The following GRIP1 variants were observed in gnomAD, a reference collection of about 807,000 sequenced individuals.
GRIP1 encodes glutamate receptor-interacting protein 1.
GRIP1 carries 45 observed loss-of-function variants against 129.9 expected under a neutral mutation model. That is an observed-to-expected ratio of 0.35 (90% confidence interval 0.27 to 0.44). GRIP1 has a LOEUF of 0.44. Ranked by LOEUF, GRIP1 falls within the 20% of genes least tolerant of loss-of-function variation. The probability of loss-of-function intolerance (pLI) is 1.00; values close to 1 mark genes in which losing one functional copy is unlikely to be tolerated. For missense variants in GRIP1, 1,196 were observed against 1,396.8 expected (o/e 0.86, Z 2.29); for synonymous variants, 530 against 520.8 (o/e 1.02, Z -0.24).
chr12:66,452,111 G>A (rs764859796), intron 11 of GRIP1, among the ~76,000 whole-genome samples: 2 of 152,180 alleles, frequency 1.3e-5, no homozygotes, highest in Non-Finnish European at 2.9e-5. Flanking sequence ...GGGAAGAGAC[G>A]GAGTCTCTAC....
chr12:66,781,546 T>C (rs895570089), intron 1 of GRIP1, among the ~76,000 whole-genome samples: 7 of 152,204 alleles, frequency 4.6e-5, no homozygotes, highest in Admixed American at 3.9e-4. Flanking sequence ...ATTACACTCA[T>C]AGAGTTCTGC....
At chr12:66,672,031 C>T (rs1195903415) in intron 1 of GRIP1, among the ~76,000 whole-genome samples, 1 of 152,096 alleles carries the variant, frequency 6.6e-6, no homozygotes, top group African/African-American at 2.4e-5. Flanking sequence ...TGCTAATGTG[C>T]ACAAATGGGC....
At chr12:66,873,090 A>G (rs1452076865) in intron 1 of GRIP1, among the ~76,000 whole-genome samples, 1 of 152,054 alleles carries the variant, frequency 6.6e-6, no homozygotes, top group Non-Finnish European at 1.5e-5. Context: ...TGGCTTTCTT[A>G]CAATATGGTG....
intron 1 of GRIP1, among the ~76,000 whole-genome samples, chr12:67,066,907 T>TATATATATAC (rs2043639109): frequency 1.4e-5 from 2 of 143,738 alleles, no homozygotes; most frequent in East Asian, 2.0e-4. Flanking sequence ...TATATATATA[T>TATATATATAC]ATATACACAC....
At chr12:66,824,293 G>A (rs147246525) in intron 1 of GRIP1, among the ~76,000 whole-genome samples, 2 of 152,140 alleles carry the variant, frequency 1.3e-5, no homozygotes, top group African/African-American at 2.4e-5. Flanking sequence ...AAAGGTGGAC[G>A]GTTTCAGATA....
intron 19 of GRIP1, among the ~76,000 whole-genome samples, chr12:66,389,661 G>A (rs544664932): frequency 6.6e-6 from 1 of 152,240 alleles, no homozygotes; most frequent in African/African-American, 2.4e-5. Context: ...CGCAAAATGA[G>A]TGACAGATGT....
At chr12:66,482,470 T>C (rs1269445053) in intron 7 of GRIP1, among the ~76,000 whole-genome samples, 1 of 152,218 alleles carries the variant, frequency 6.6e-6, no homozygotes, top group Non-Finnish European at 1.5e-5. Context: ...ACTTTCTGCA[T>C]CACAGAAGGG....
intron 1 of GRIP1, among the ~76,000 whole-genome samples, chr12:67,018,672 G>A (rs931184661): frequency 1.3e-5 from 2 of 152,146 alleles, no homozygotes; most frequent in African/African-American, 4.8e-5. Flanking sequence ...GTCCACAGAG[G>A]TCTCTTGGAT....
At chr12:66,528,107 G>T (rs2061319039) in intron 5 of GRIP1, among the ~76,000 whole-genome samples, 1 of 148,202 alleles carries the variant, frequency 6.7e-6, no homozygotes, top group Non-Finnish European at 1.5e-5. Context: ...TATAATGCAA[G>T]ATAGAATTAT....
intron 2 of GRIP1, among the ~76,000 whole-genome samples, chr12:66,576,476 T>A (rs12581890): frequency 1.3e-5 from 2 of 152,160 alleles, no homozygotes; most frequent in South Asian, 4.1e-4. Context: ...GACTATTTCA[T>A]CAAGTTGGAA....
At chr12:66,580,899 C>T (rs1327797790) in intron 2 of GRIP1, among the ~76,000 whole-genome samples, 35 of 152,060 alleles carry the variant, frequency 2.3e-4, no homozygotes, top group Non-Finnish European at 1.3e-4. Flanking sequence ...AGCTCTGCAT[C>T]AAGCGGACCT....
intron 1 of GRIP1, among the ~76,000 whole-genome samples, chr12:66,654,082 G>T (rs2032986161): frequency 6.6e-6 from 1 of 152,086 alleles, no homozygotes; most frequent in African/African-American, 2.4e-5. Flanking sequence ...GATTGATTGG[G>T]GTAGAGGGAA....
chr12:67,064,856 C>T (rs924614013), intron 1 of GRIP1, among the ~76,000 whole-genome samples: 2 of 151,282 alleles, frequency 1.3e-5, no homozygotes, highest in African/African-American at 2.4e-5. Flanking sequence ...CACCCACTAA[C>T]TCGTCATCTA....
At chr12:66,726,302 C>A (rs1240328706) in intron 1 of GRIP1, among the ~76,000 whole-genome samples, 1 of 152,094 alleles carries the variant, frequency 6.6e-6, no homozygotes, top group Admixed American at 6.5e-5. Context: ...ATTAAAGACA[C>A]AAGTCACTAG....
At chr12:66,754,666 A>G (rs558844375) in intron 1 of GRIP1, among the ~76,000 whole-genome samples, 8 of 152,302 alleles carry the variant, frequency 5.3e-5, no homozygotes, top group African/African-American at 1.9e-4. Context: ...AGCTGATACC[A>G]TTATTCCAGA....
At chr12:66,688,589 C>T (rs528736363) in intron 1 of GRIP1, among the ~76,000 whole-genome samples, 2 of 152,196 alleles carry the variant, frequency 1.3e-5, no homozygotes, top group Non-Finnish European at 2.9e-5. Flanking sequence ...TTTACCAAAT[C>T]TCAAAGGTTT....
At chr12:66,712,967 T>C (rs898272472) in intron 1 of GRIP1, among the ~76,000 whole-genome samples, 1 of 151,994 alleles carries the variant, frequency 6.6e-6, no homozygotes, top group Non-Finnish European at 1.5e-5. Flanking sequence ...TGATTAAGTC[T>C]AGAACAAATG....
chr12:66,545,401 C>T (rs576915503), intron 2 of GRIP1, among the ~76,000 whole-genome samples: 1 of 152,122 alleles, frequency 6.6e-6, no homozygotes, highest in South Asian at 2.1e-4. Context: ...TATTTAAAAA[C>T]ACAGATGGTT....
intron 1 of GRIP1, among the ~76,000 whole-genome samples, chr12:66,970,645 G>A (rs1016963175): frequency 6.7e-6 from 1 of 148,356 alleles, no homozygotes; most frequent in Non-Finnish European, 1.5e-5. Context: ...TCTTTCAGCT[G>A]TAATCCACTG....
Sources: gnomAD v4.1 joint callset for allele counts (sites outside exome capture counted in the v4.1 genomes callset) on GRCh38, gnomAD v4.1.1 for gene constraint, MANE v1.5 for transcripts, NCBI Gene and HGNC (gene_info 2026-07-23, HGNC 2026-07-21) for gene names.